Variants in UBE3C observed in about 807,000 individuals in gnomAD.
UBE3C encodes the protein ubiquitin-protein ligase E3C.
In UBE3C, 42 loss-of-function variants were observed where a neutral mutation model predicts 129.4. That is an observed-to-expected ratio of 0.32 (90% CI 0.25 to 0.42). UBE3C has a LOEUF of 0.42. UBE3C is among the 10% of genes least tolerant of loss of function. UBE3C has a pLI of 1.00. For missense variants in UBE3C, 1,049 were observed against 1,319.1 expected (o/e 0.80, Z 3.17); for synonymous variants, 510 against 492.4 (o/e 1.04, Z -0.47).
In UBE3C at chr7:157,186,934, A is replaced by T. The variant is rs1176305664; in HGVS notation, c.1244A>T (p.Asp415Val). The stretch of plus-strand genomic sequence containing the variant: ...ACCCTGCTCAACCTGGTGTGGAGGG[A>T]CTCTGCGAGCGAGGAGGTCTTCACC... ...TNTLLNLVWR[D>V]SASEEVFTTM... The change falls in exon 10 of 23, where the codon GAC becomes GTC. Residue 415 changes from aspartate (D) to valine (V), a missense_variant. Asp to Val is a radical substitution (Grantham distance 152). Around this residue, in one of 4 missense-constraint regions of UBE3C, gnomAD observed 489 missense variants for 513.8 expected, o/e 0.95. Transcript: ENST00000348165. 6.2e-7 allele frequency: 1 copy of T among 1,613,756 alleles called. No individual in the cohort carries two copies. Among genetic ancestry groups the T allele is most frequent in the African/African-American group, 1.3e-5 (1 of 74,818 alleles).
chr7:157,139,646 G>A (rs1289164159), intron 1 of UBE3C, among the ~76,000 whole-genome samples: 1 of 152,222 alleles, frequency 6.6e-6, no homozygotes, highest in Non-Finnish European at 1.5e-5. Flanking sequence ...ACTGCGCTTC[G>A]GGACCCGGGC....
intron 13 of UBE3C, 119 bp downstream of exon 13, chr7:157,208,054 ACTTTTTT>A: frequency 8.7e-6 from 1 of 114,766 alleles, no homozygotes. Flanking sequence ...AATTTGCAAG[ACTTTTTT>A]TTTTTTTTTT....
intron 14 of UBE3C, among the ~76,000 whole-genome samples, chr7:157,218,159 A>G (rs980374705): frequency 1.3e-5 from 2 of 151,952 alleles, no homozygotes; most frequent in Non-Finnish European, 2.9e-5. Flanking sequence ...AAAAGAAACC[A>G]TGTCGGCTGG....
intron 10 of UBE3C, among the ~76,000 whole-genome samples, chr7:157,197,129 G>A (rs1468880041): frequency 6.6e-6 from 1 of 152,258 alleles, no homozygotes; most frequent in Non-Finnish European, 1.5e-5. Context: ...AATAATTATT[G>A]TATGATCAAA....
chr7:157,261,306 G>A (rs1796902494), intron 22 of UBE3C, among the ~76,000 whole-genome samples: 2 of 78,028 alleles, frequency 2.6e-5, no homozygotes, highest in Non-Finnish European at 4.6e-5. Flanking sequence ...AACTCTGTCT[G>A]AAAAAAAAAA....
Position 157,267,581 on chromosome 7 carries a change from T to C in UBE3C, c.3082-4T>C. ...TGACATCTTGCACACATGCTGTTTT[T>C]CAGGAGTTGTATCCCGCATTTTGTA... On this transcript the variant is annotated splice_polypyrimidine_tract_variant and splice_region_variant and intron_variant, in intron 22 of 22. Transcript: ENST00000348165. The C allele has an allele frequency of 1.2e-6, 2 of 1,612,992 alleles. No individual in the cohort carries two copies. The highest frequency in any genetic ancestry group is 4.5e-5 in the East Asian group (2 of 44,812).
At chr7:157,186,160 A>G (rs1808799201) in intron 9 of UBE3C, among the ~76,000 whole-genome samples, 1 of 152,204 alleles carries the variant, frequency 6.6e-6, no homozygotes, top group Non-Finnish European at 1.5e-5. Context: ...GCAGTGGCTC[A>G]TACCTGTAAT....
At chr7:157,178,526 A>C (rs1265000517) in intron 5 of UBE3C, among the ~76,000 whole-genome samples, 164 bp from the exon 6 acceptor site, 1 of 152,192 alleles carries the variant, frequency 6.6e-6, no homozygotes, top group Non-Finnish European at 1.5e-5. Flanking sequence ...GAATGACTGA[A>C]TGTTAGTTGG....
chr7:157,176,690 C>G (rs34923888), intron 5 of UBE3C, among the ~76,000 whole-genome samples: 15,580 of 152,160 alleles, frequency 0.1, 1,056 homozygotes, highest in Non-Finnish European at 0.14. Context: ...TTTTAATGGT[C>G]TGCTTATAGG....
At position 157,143,751 on chromosome 7, in the gene UBE3C, TC is replaced by T. The variant is rs60844607; in HGVS notation, c.66+4415del. ...GTGGTCGTTGACTGAATGCCTGAGT[TC>T]CTGTGGGACAGGCACAGGAAGGAGT... On this transcript the variant is annotated intron_variant, in intron 1 of 22. Coordinates refer to ENST00000348165, the MANE Select transcript of UBE3C (RefSeq NM_014671.3). Among the ~76,000 whole-genome samples the T allele has an allele frequency of 8.8e-3, 1,340 of 152,154 alleles. 16 individuals are homozygous for T. Among genetic ancestry groups the T allele is most frequent in the African/African-American group, 0.031 (1,281 of 41,490 alleles).
Position 157,258,910 on chromosome 7 carries a change from A to G in UBE3C, c.3081+1866A>G, listed in dbSNP as rs534934441. Among the ~76,000 whole-genome samples, 6 of 152,360 alleles carry G rather than the reference A, an allele frequency of 3.9e-5. No individual in the cohort carries two copies. In the South Asian group the frequency reaches 1.2e-3, roughly 32 times the overall value. On this transcript the variant is annotated intron_variant, in intron 22 of 22. Transcript: ENST00000348165. ...GTTAACATTTTGCTACATTTACTTTATCATTCTTTTCATGCATTTCTTTCC... is the reference window on the plus strand; with the variant it reads ...GTTAACATTTTGCTACATTTACTTTGTCATTCTTTTCATGCATTTCTTTCC...
chr7:157,196,755 G>GA (rs71303922), intron 10 of UBE3C, among the ~76,000 whole-genome samples: 7,463 of 61,178 alleles, frequency 0.12, 411 homozygotes, highest in African/African-American at 0.43. Flanking sequence ...GATCACCTGA[G>GA]GTCGGGAGTT....
intron 18 of UBE3C, among the ~76,000 whole-genome samples, chr7:157,237,027 C>T (rs182148495): frequency 7.9e-5 from 12 of 152,248 alleles, no homozygotes; most frequent in South Asian, 2.1e-4. Flanking sequence ...CCAGCACACC[C>T]GGCAAGACAG....
intron 1 of UBE3C, among the ~76,000 whole-genome samples, chr7:157,151,541 G>T (rs1807757306): frequency 1.3e-5 from 2 of 152,104 alleles, no homozygotes; most frequent in Admixed American, 1.3e-4. Context: ...GGCTTTTCTT[G>T]TGAACTGTTA....
At chr7:157,233,668 T>C (rs143251196) in intron 18 of UBE3C, among the ~76,000 whole-genome samples, 1 of 152,336 alleles carries the variant, frequency 6.6e-6, no homozygotes, top group East Asian at 1.9e-4. Context: ...TTTTAGCTAT[T>C]GTGAATAATG....
intron 22 of UBE3C, among the ~76,000 whole-genome samples, chr7:157,261,157 T>A (rs1248474812): frequency 2.0e-5 from 3 of 150,896 alleles, no homozygotes; most frequent in East Asian, 2.0e-4. Context: ...AAAAAAAAAA[T>A]CAGCCGGGCA....
chr7:157,142,573 G>T (rs1317448819), intron 1 of UBE3C, among the ~76,000 whole-genome samples: 5 of 152,198 alleles, frequency 3.3e-5, no homozygotes, highest in African/African-American at 1.2e-4. Context: ...GGTTCGTGGA[G>T]CGGGGTGTGT....
chr7:157,212,613 A>G (rs1414087780), intron 13 of UBE3C, among the ~76,000 whole-genome samples: 1 of 152,214 alleles, frequency 6.6e-6, no homozygotes, highest in African/African-American at 2.4e-5. Context: ...TGATTTTTAT[A>G]AGGAGTTGGT....
In UBE3C at chr7:157,269,310, T is replaced by C. The variant is rs1045293703; in HGVS notation, c.*1555T>C. 1 of 152,318 alleles carries C rather than the reference T, an allele frequency of 6.6e-6. No individual in the cohort carries two copies. Among genetic ancestry groups the C allele is most frequent in the African/African-American group, 2.4e-5 (1 of 41,456 alleles). The allele number at this position is 152,318 out of a possible 1,614,324, so 9.4% of individuals were successfully genotyped here. On this transcript the variant is annotated 3_prime_UTR_variant, in exon 23 of 23. Transcript: ENST00000348165. ...GGTTTTTTTCTCAGCTATTCTGAGC[T>C]TATTTATTTATTTGTATGTTCTAAT...
Sources: allele counts gnomAD v4.1 joint callset (sites outside exome capture counted in the v4.1 genomes callset), GRCh38; gene constraint gnomAD v4.1.1; regional missense constraint gnomAD v4.1.1; transcripts MANE v1.5; gene names NCBI Gene and HGNC (gene_info 2026-07-23, HGNC 2026-07-21).